Variants in OSBPL9 observed in about 807,000 individuals in gnomAD.
The protein encoded by OSBPL9 is oxysterol-binding protein-related protein 9.
Under a neutral mutation model 106.6 loss-of-function variants are expected in OSBPL9, and 40 were observed. The ratio of observed to expected loss-of-function variants is 0.38; its 90% CI spans 0.29 to 0.49. The LOEUF (loss-of-function observed/expected upper bound fraction) is 0.49, where lower values mean the gene tolerates loss of function less well. Ranked by LOEUF, OSBPL9 falls within the 20% of genes least tolerant of loss-of-function variation. The pLI, the probability that OSBPL9 is intolerant of heterozygous loss-of-function variation, is 0.97. For missense variants in OSBPL9, 609 were observed against 887.2 expected (o/e 0.69, Z 3.98); for synonymous variants, 269 against 295.4 (o/e 0.91, Z 0.92).
At position 51,772,692 on chromosome 1, in the gene OSBPL9, C is replaced by T. The variant is rs1319582148; in HGVS notation, c.1139C>T (p.Ser380Leu). ...EHKSVIMHLL[S>L]QVRLGMDLTK... ...AAGAGCGTTATCATGCATCTCTTGTCGCAGGTTAGACTTGGAATGGATCTT... is the reference window on the plus strand; with the variant it reads ...AAGAGCGTTATCATGCATCTCTTGTTGCAGGTTAGACTTGGAATGGATCTT... Residue 380 changes from serine to leucine, a missense_variant, in exon 14 of 24, where the codon TCG (serine) becomes TTG (leucine). Around this residue, in one of 5 missense-constraint regions of OSBPL9, gnomAD observed 356 missense variants for 505.8 expected, o/e 0.70. Transcript: ENST00000428468. 6.2e-7 allele frequency: 1 copy of T among 1,614,036 alleles called. No individual in the cohort carries two copies. Among genetic ancestry groups the T allele is most frequent in the Non-Finnish European group, 8.5e-7 (1 of 1,179,990 alleles).
intron 2 of OSBPL9, among the ~76,000 whole-genome samples, chr1:51,668,733 TG>T (rs778387071): frequency 3.9e-5 from 6 of 152,208 alleles, no homozygotes; most frequent in African/African-American, 1.4e-4. Context: ...TGTGTGTGCC[TG>T]CCCACCCCCC....
At chr1:51,782,701 G>A in intron 17 of OSBPL9, 58 bp downstream of exon 17, 1 of 1,486,782 alleles carries the variant, frequency 6.7e-7, no homozygotes, top group South Asian at 1.2e-5. Context: ...TCTAAAGAGG[G>A]TCATTAAAAG....
upstream of OSBPL9, among the ~76,000 whole-genome samples, chr1:51,572,416 T>C (rs908463484): frequency 4.6e-5 from 7 of 152,218 alleles, no homozygotes; most frequent in Middle Eastern, 3.4e-3. Flanking sequence ...GAAATAAGAA[T>C]TGCCGAAATT....
chr1:51,554,841 TA>T, the OSBPL9 span, among the ~76,000 whole-genome samples: 1 of 152,182 alleles, frequency 6.6e-6, no homozygotes, highest in East Asian at 1.9e-4. Flanking sequence ...ACAGGATTAT[TA>T]AAACTAGGTG....
At chr1:51,546,906 G>A in the OSBPL9 span, among the ~76,000 whole-genome samples, 6 of 152,000 alleles carry the variant, frequency 3.9e-5, no homozygotes, top group Non-Finnish European at 8.8e-5. Context: ...AAAATCAAAA[G>A]GCATATGAAG....
intron 2 of OSBPL9, among the ~76,000 whole-genome samples, chr1:51,657,278 C>T (rs1296285540): frequency 6.6e-6 from 1 of 152,108 alleles, no homozygotes; most frequent in African/African-American, 2.4e-5. Context: ...CAAAGCAAAA[C>T]ACCCACATGA....
intron 3 of OSBPL9, among the ~76,000 whole-genome samples, chr1:51,671,165 G>A (rs1557668196): frequency 6.6e-6 from 1 of 152,136 alleles, no homozygotes; most frequent in Non-Finnish European, 1.5e-5. Context: ...TATTGTAGTA[G>A]TTATGGGAGT....
the OSBPL9 span, among the ~76,000 whole-genome samples, chr1:51,551,249 G>C: frequency 1.3e-5 from 2 of 152,186 alleles, no homozygotes; most frequent in Non-Finnish European, 2.9e-5. Context: ...TGGTCAACAA[G>C]GACTTCCTCA....
At chr1:51,566,519 T>C in the OSBPL9 span, 1 of 152,174 alleles carries the variant, frequency 6.6e-6, no homozygotes, top group Non-Finnish European at 1.5e-5. Flanking sequence ...AATCAGAGTG[T>C]ACAGGTGAGG....
intron 8 of OSBPL9, among the ~76,000 whole-genome samples, chr1:51,750,612 A>G (rs1398645769): frequency 6.6e-6 from 1 of 152,184 alleles, no homozygotes; most frequent in African/African-American, 2.4e-5. Flanking sequence ...GTAGTGAACT[A>G]CGTTAGTGGA....
the OSBPL9 span, among the ~76,000 whole-genome samples, chr1:51,549,946 C>A: frequency 6.6e-6 from 1 of 152,224 alleles, no homozygotes; most frequent in Non-Finnish European, 1.5e-5. Flanking sequence ...ATTCCACAGC[C>A]TGGTGCAGTG....
At chr1:51,704,575 C>T (rs1658019885) in intron 3 of OSBPL9, among the ~76,000 whole-genome samples, 1 of 152,174 alleles carries the variant, frequency 6.6e-6, no homozygotes, top group African/African-American at 2.4e-5. Context: ...CATTTATTTC[C>T]TCACAGTTCT....
chr1:51,623,030 G>T (rs938490295), intron 1 of OSBPL9, among the ~76,000 whole-genome samples: 4 of 152,176 alleles, frequency 2.6e-5, no homozygotes, highest in African/African-American at 9.7e-5. Flanking sequence ...AGTCATGGAT[G>T]GCAAGGTGGA....
intron 1 of OSBPL9, among the ~76,000 whole-genome samples, chr1:51,578,091 G>A (rs755557922): frequency 9.2e-5 from 14 of 152,202 alleles, no homozygotes; most frequent in Non-Finnish European, 1.8e-4. Context: ...TGACCGTTGT[G>A]TGCCAGTATT....
chr1:51,664,722 A>G (rs1648012461), intron 2 of OSBPL9, among the ~76,000 whole-genome samples: 1 of 152,048 alleles, frequency 6.6e-6, no homozygotes, highest in Non-Finnish European at 1.5e-5. Context: ...ATAAGTTCAA[A>G]GACAGACTAA....
At chr1:51,644,642 A>C (rs896029908) in intron 1 of OSBPL9, among the ~76,000 whole-genome samples, 1 of 152,104 alleles carries the variant, frequency 6.6e-6, no homozygotes, top group African/African-American at 2.4e-5. Context: ...TTGAGTTTTA[A>C]ATGCCTTTGA....
intron 4 of OSBPL9, chr1:51,730,146 C>T: frequency 8.0e-7 from 1 of 1,245,362 alleles, no homozygotes. Flanking sequence ...GACGTGGCTG[C>T]CCGGGCCCCT....
At chr1:51,551,498 T>C in the OSBPL9 span, among the ~76,000 whole-genome samples, 1 of 152,218 alleles carries the variant, frequency 6.6e-6, no homozygotes, top group Non-Finnish European at 1.5e-5. Flanking sequence ...AATTTCAAAA[T>C]AATTTACAGA....
In OSBPL9 at chr1:51,617,202, G is replaced by T; in HGVS notation, c.92G>T (p.Gly31Val). 1 of 1,613,038 alleles carries T rather than the reference G, an allele frequency of 6.2e-7. No individual in the cohort carries two copies. Among genetic ancestry groups the T allele is most frequent in the Non-Finnish European group, 8.5e-7 (1 of 1,179,586 alleles). The change falls in exon 1 of 24, where the codon GGA becomes GTA. Residue 31 changes from glycine (G) to valine (V), a missense_variant. This residue lies in a region of OSBPL9 where 72 missense variants were observed against 140.5 expected (regional missense o/e 0.51). Transcript: ENST00000428468. ...YRWFVLDYNA[G>V]LLSYYTSKDK... is the part of the protein sequence containing the mutation. The stretch of plus-strand genomic sequence containing the variant: ...TGGTTCGTGCTGGACTACAATGCAG[G>T]ACTGCTCTCCTACTACACGGTGAGT...
Sources: allele counts gnomAD v4.1 joint callset (sites outside exome capture counted in the v4.1 genomes callset), GRCh38; gene constraint gnomAD v4.1.1; regional missense constraint gnomAD v4.1.1; transcripts MANE v1.5; gene names NCBI Gene and HGNC (gene_info 2026-07-23, HGNC 2026-07-21).